Variants in CEP70 observed in about 807,000 individuals in gnomAD.
CEP70 encodes centrosomal protein of 70 kDa.
A neutral mutation model predicts 90.9 loss-of-function variants in CEP70; 70 were observed. That is an observed-to-expected ratio of 0.77 (90% CI 0.64 to 0.94). The LOEUF is 0.94. CEP70 is among the 40% of genes least tolerant of loss of function. The pLI is 0.00. For synonymous variants in CEP70, 220 were observed against 228.3 expected (o/e 0.96, Z 0.33); for missense variants, 648 against 669.0 (o/e 0.97, Z 0.35).
intron 6 of CEP70, among the ~76,000 whole-genome samples, chr3:138,550,535 G>T (rs1266864889): frequency 6.6e-6 from 1 of 152,030 alleles, no homozygotes; most frequent in Admixed American, 6.6e-5. Context: ...GGCTAATTTT[G>T]TATTTTTAGC....
chr3:138,535,820 C>G (rs2038214279), intron 7 of CEP70, among the ~76,000 whole-genome samples: 1 of 151,950 alleles, frequency 6.6e-6, no homozygotes, highest in African/African-American at 2.4e-5. Flanking sequence ...CTGTAGTTCT[C>G]TCTCCCTCAC....
At chr3:138,541,178 A>G (rs1353678071) in intron 6 of CEP70, among the ~76,000 whole-genome samples, 1 of 152,222 alleles carries the variant, frequency 6.6e-6, no homozygotes. Context: ...ACAAACCCCA[A>G]TGAAACAAGT....
At chr3:138,593,125 G>T (rs185843189) in intron 1 of CEP70, 1 of 152,308 alleles carries the variant, frequency 6.6e-6, no homozygotes, top group East Asian at 1.9e-4. Flanking sequence ...CCAAAAGGCG[G>T]GGCAGGGGAG....
At chr3:138,567,160 A>C (rs1000673797) in intron 6 of CEP70, among the ~76,000 whole-genome samples, 2 of 152,188 alleles carry the variant, frequency 1.3e-5, no homozygotes, top group African/African-American at 4.8e-5. Flanking sequence ...GTCTTTTCCC[A>C]AAAGTCTTTC....
intron 11 of CEP70, among the ~76,000 whole-genome samples, chr3:138,510,185 C>T (rs1319347552): frequency 6.6e-6 from 1 of 151,480 alleles, no homozygotes; most frequent in Non-Finnish European, 1.5e-5. Context: ...TTAAGATGAC[C>T]TCAGGATCAC....
intron 6 of CEP70, among the ~76,000 whole-genome samples, chr3:138,547,513 G>A (rs570203718): frequency 1.6e-4 from 25 of 152,206 alleles, no homozygotes; most frequent in South Asian, 1.0e-3. Flanking sequence ...TAGAAGATTC[G>A]TTCTCACCAT....
At chr3:138,499,442 T>C (rs868081924) in intron 16 of CEP70, among the ~76,000 whole-genome samples, 31 of 152,238 alleles carry the variant, frequency 2.0e-4, no homozygotes, top group African/African-American at 7.2e-4. Context: ...ATAGAACTTA[T>C]TGATATAATC....
At chr3:138,558,928 G>A (rs1321362075) in intron 6 of CEP70, among the ~76,000 whole-genome samples, 2 of 152,016 alleles carry the variant, frequency 1.3e-5, no homozygotes, top group Non-Finnish European at 2.9e-5. Flanking sequence ...TAAAAATTGA[G>A]GTGAAGTTCA....
At chr3:138,498,922 T>C (rs540470627) in intron 16 of CEP70, among the ~76,000 whole-genome samples, 17 of 151,900 alleles carry the variant, frequency 1.1e-4, no homozygotes, top group African/African-American at 3.9e-4. Context: ...AGCGCATGCC[T>C]GTAACCCCAG....
Position 138,498,115 on chromosome 3 carries a change from T to C in CEP70, c.1653-5A>G, listed in dbSNP as rs1442493156. On this transcript the variant is annotated splice_polypyrimidine_tract_variant and splice_region_variant and intron_variant, in intron 16 of 17. Transcript: ENST00000264982. ...TCTTCCAATTTGTAGATAATGCTGT[T>C]TAAAAAATGCACAATTTAAACCTGA... is the stretch of plus-strand genomic sequence containing the variant. The C allele has an allele frequency of 6.2e-7, 1 of 1,610,526 alleles. No homozygotes were observed. The highest frequency in any genetic ancestry group is 2.2e-5 in the East Asian group (1 of 44,738).
chr3:138,507,813 T>A (rs1482868057), intron 12 of CEP70, among the ~76,000 whole-genome samples: 1 of 152,138 alleles, frequency 6.6e-6, no homozygotes, highest in South Asian at 2.1e-4. Context: ...TTGCCAGATC[T>A]TCTGACTTTT....
At chr3:138,518,187 G>A (rs2036240415) in intron 11 of CEP70, among the ~76,000 whole-genome samples, 1 of 152,194 alleles carries the variant, frequency 6.6e-6, no homozygotes, top group Non-Finnish European at 1.5e-5. Flanking sequence ...CGGCCAGGAA[G>A]CTCGAACTGG....
At chr3:138,557,776 C>T (rs564980621) in intron 6 of CEP70, among the ~76,000 whole-genome samples, 1 of 152,204 alleles carries the variant, frequency 6.6e-6, no homozygotes, top group South Asian at 2.1e-4. Flanking sequence ...AACCAAATAC[C>T]ACCTGTTACC....
intron 6 of CEP70, among the ~76,000 whole-genome samples, chr3:138,559,898 A>G (rs746005314): frequency 6.6e-6 from 1 of 152,244 alleles, no homozygotes; most frequent in Admixed American, 6.5e-5. Flanking sequence ...CTACCAACTT[A>G]TAATTCTATA....
chr3:138,495,299 C>A (rs1488777003), intron 17 of CEP70, among the ~76,000 whole-genome samples: 1 of 152,184 alleles, frequency 6.6e-6, no homozygotes, highest in South Asian at 2.1e-4. Context: ...CACATACCCA[C>A]AAGTACCCTC....
At chr3:138,507,861 A>T (rs2035131220) in intron 12 of CEP70, among the ~76,000 whole-genome samples, 1 of 152,194 alleles carries the variant, frequency 6.6e-6, no homozygotes, top group South Asian at 2.1e-4. Flanking sequence ...AAAAAATAAA[A>T]TATCTTAATT....
chr3:138,495,229 G>C (rs1013685675), intron 17 of CEP70, among the ~76,000 whole-genome samples, 153 bp from the exon 18 acceptor site: 1 of 152,216 alleles, frequency 6.6e-6, no homozygotes, highest in Non-Finnish European at 1.5e-5. Context: ...CGATAGTGAT[G>C]ATAGATTATC....
intron 5 of CEP70, 55 bp downstream of exon 5, chr3:138,570,971 TCAAGGCAG>T: frequency 7.5e-7 from 1 of 1,329,840 alleles, no homozygotes; most frequent in Admixed American, 2.6e-5. Flanking sequence ...AAGATTTTTT[TCAAGGCAG>T]TTATTTTTAG....
intron 8 of CEP70, among the ~76,000 whole-genome samples, chr3:138,532,125 C>A (rs555372409): frequency 2.0e-5 from 3 of 152,096 alleles, no homozygotes; most frequent in Non-Finnish European, 4.4e-5. Flanking sequence ...TTATCTTTAT[C>A]TCACATAAAT....
Sources: allele counts gnomAD v4.1 joint callset (sites outside exome capture counted in the v4.1 genomes callset), GRCh38; gene constraint gnomAD v4.1.1; transcripts MANE v1.5; gene names NCBI Gene and HGNC (gene_info 2026-07-23, HGNC 2026-07-21).